Variants in TNIP3 observed in about 807,000 individuals in gnomAD.
The protein encoded by TNIP3 is TNFAIP3-interacting protein 3.
TNIP3 carries 34 observed loss-of-function variants against 54.1 expected under a neutral mutation model. That is an observed-to-expected ratio of 0.63 (90% confidence interval 0.48 to 0.84). The LOEUF (loss-of-function observed/expected upper bound fraction) is 0.84. Ranked by LOEUF, TNIP3 falls within the 40% of genes least tolerant of loss-of-function variation. TNIP3 has a pLI of 0.00. For synonymous variants in TNIP3, 134 were observed against 136.8 expected (o/e 0.98, Z 0.14); for missense variants, 366 against 387.6 (o/e 0.94, Z 0.47).
At chr4:121,153,447 T>C (rs1414047391) in intron 5 of TNIP3, among the ~76,000 whole-genome samples, 1 of 152,214 alleles carries the variant, frequency 6.6e-6, no homozygotes, top group African/African-American at 2.4e-5. Context: ...CTCAATTATT[T>C]ATAGTTCCTT....
Position 121,208,196 on chromosome 4 carries a change from C to A in TNIP3, c.68+8219G>T, listed in dbSNP as rs532896650. ...AATAAACCCCCTTCTACCTGGGGAC[C>A]AGACTGCCTCTATAGGACTAATAAA... On this transcript the variant is annotated intron_variant, in intron 2 of 12. Transcript: ENST00000507879. Among the ~76,000 whole-genome samples the A allele has an allele frequency of 2.0e-5, 3 of 152,234 alleles. No individual in the cohort carries two copies. In the South Asian group the frequency reaches 6.2e-4, roughly 32 times the overall value.
rs530870631 is a variant in TNIP3 at position 121,193,831 on chromosome 4, T to G, written c.69-11035A>C. On this transcript the variant is annotated intron_variant, in intron 2 of 12. Coordinates refer to the TNIP3 transcript ENST00000507879. ...AAAAAAAGTTTCACATCTGTAATAT[T>G]CTTGCCAAGATTATACAACCTGAAT... Among the ~76,000 whole-genome samples, 14 of 152,228 alleles carry G rather than the reference T, an allele frequency of 9.2e-5. No individual in the cohort carries two copies. In the South Asian group the frequency reaches 2.9e-3, roughly 32 times the overall value.
chr4:121,154,382 T>C, intron 5 of TNIP3, 169 bp downstream of exon 5: 1 of 827,260 alleles, frequency 1.2e-6, no homozygotes, highest in Non-Finnish European at 1.9e-6. Flanking sequence ...TAGCCAAGTA[T>C]GACTGAAAGC....
At chr4:121,221,022 A>C (rs561732551), upstream of TNIP3, among the ~76,000 whole-genome samples, 1 of 152,286 alleles carries the variant, frequency 6.6e-6, no homozygotes, top group African/African-American at 2.4e-5. Context: ...CAATGAGAAC[A>C]AATAAAACAT....
At position 121,164,141 on chromosome 4, in the gene TNIP3, T is replaced by C; in HGVS notation, c.-16A>G. ...AATGTGCCATGGAAGCTGTTTTTCC[T>C]GGAGTCTTGGAAAGCAGAAAGAAAA... is the stretch of plus-strand genomic sequence containing the variant. On this transcript the variant is annotated 5_prime_UTR_variant, in exon 1 of 11. Transcript: ENST00000057513. 5 of 1,613,686 alleles carry C rather than the reference T, an allele frequency of 3.1e-6. No homozygotes were observed. Among genetic ancestry groups the C allele is most frequent in the Non-Finnish European group, 4.2e-6 (5 of 1,179,712 alleles).
chr4:121,157,408 G>A (rs1730184781), intron 3 of TNIP3, 165 bp from the exon 4 acceptor site: 7 of 816,216 alleles, frequency 8.6e-6, no homozygotes, highest in South Asian at 1.7e-5. Context: ...GGATACTCGC[G>A]TTTCAAAGGG....
chr4:121,154,435 G>T, intron 5 of TNIP3, 116 bp downstream of exon 5: 1 of 1,278,086 alleles, frequency 7.8e-7, no homozygotes, highest in Non-Finnish European at 1.1e-6. Flanking sequence ...AATTTCTTGT[G>T]CAAGCCTCCA....
chr4:121,181,624 GGTGTGT>G (rs3028475), intron 3 of TNIP3, among the ~76,000 whole-genome samples: 25,088 of 148,584 alleles, frequency 0.17, 2,209 homozygotes, highest in Middle Eastern at 0.24. Flanking sequence ...TAATAAGACA[GGTGTGT>G]GTGTGTGTGT....
intron 2 of TNIP3, among the ~76,000 whole-genome samples, chr4:121,183,680 C>A (rs1328948946): frequency 6.6e-6 from 1 of 152,072 alleles, no homozygotes. Flanking sequence ...CTCATAGGAG[C>A]GCAAATCCTA....
At chr4:121,181,060 C>A (rs192123981) in intron 3 of TNIP3, among the ~76,000 whole-genome samples, 1 of 152,110 alleles carries the variant, frequency 6.6e-6, no homozygotes, top group East Asian at 1.9e-4. Flanking sequence ...GAGAGAGAGA[C>A]ATAAATTTCA....
upstream of TNIP3, among the ~76,000 whole-genome samples, chr4:121,221,070 T>A (rs543923921): frequency 6.6e-6 from 1 of 152,284 alleles, no homozygotes; most frequent in African/African-American, 2.4e-5. Flanking sequence ...TGTTAGCAAT[T>A]CTCATGGCCT....
chr4:121,161,921 C>T (rs1182922205), intron 1 of TNIP3, among the ~76,000 whole-genome samples: 3 of 152,202 alleles, frequency 2.0e-5, no homozygotes, highest in Non-Finnish European at 4.4e-5. Flanking sequence ...CTGCCTAAAT[C>T]GACTAAGAAC....
intron 2 of TNIP3, among the ~76,000 whole-genome samples, chr4:121,191,414 A>G (rs1725302738): frequency 6.6e-6 from 1 of 152,214 alleles, no homozygotes; most frequent in South Asian, 2.1e-4. Context: ...ACATGCACAG[A>G]AAAATTATGT....
intron 3 of TNIP3, among the ~76,000 whole-genome samples, chr4:121,180,562 A>G (rs755852144): frequency 6.6e-6 from 1 of 152,196 alleles, no homozygotes; most frequent in Non-Finnish European, 1.5e-5. Context: ...GCAGAGGGAA[A>G]GTTTTGGATG....
intron 7 of TNIP3, among the ~76,000 whole-genome samples, chr4:121,145,680 TTGTTTTACTTGC>T (rs1440208667): frequency 2.0e-5 from 3 of 150,740 alleles, no homozygotes; most frequent in Non-Finnish European, 3.0e-5. Flanking sequence ...AAAATTAAAG[TTGTTTTACTTGC>T]TGTTTTACTG....
intron 10 of TNIP3, chr4:121,137,755 A>G (rs1728873773): frequency 6.1e-6 from 2 of 329,480 alleles, no homozygotes; most frequent in South Asian, 5.1e-5. Flanking sequence ...ACGAGATCAA[A>G]TTTCAAGAAT....
At chr4:121,219,637 G>C (rs780222993), upstream of TNIP3, among the ~76,000 whole-genome samples, 1 of 152,128 alleles carries the variant, frequency 6.6e-6, no homozygotes, top group Non-Finnish European at 1.5e-5. Context: ...CAGGGTGTTC[G>C]TATTACCAGT....
At chr4:121,141,168 A>C (rs1729095153) in intron 9 of TNIP3, among the ~76,000 whole-genome samples, 1 of 152,162 alleles carries the variant, frequency 6.6e-6, no homozygotes, top group Non-Finnish European at 1.5e-5. Context: ...ATGTAGGCAA[A>C]ATAAAAAGTA....
intron 1 of TNIP3, among the ~76,000 whole-genome samples, chr4:121,225,097 C>T (rs1727201958): frequency 6.6e-6 from 1 of 152,218 alleles, no homozygotes; most frequent in Non-Finnish European, 1.5e-5. Flanking sequence ...CTGCTTAAGA[C>T]TACATTACAT....
Sources: allele counts gnomAD v4.1 joint callset (sites outside exome capture counted in the v4.1 genomes callset), GRCh38; gene constraint gnomAD v4.1.1; transcripts MANE v1.5; gene names NCBI Gene and HGNC (gene_info 2026-07-23, HGNC 2026-07-21).